Variants in ZNF732 observed in about 807,000 individuals in gnomAD.
ZNF732 encodes zinc finger protein LOC654254.
A neutral mutation model predicts 11.5 loss-of-function variants in ZNF732; 12 were observed. The observed-to-expected ratio is 1.05, with a 90% CI of 0.67 to 1.70. ZNF732 has a LOEUF of 1.70. ZNF732 is among the 40% of genes most tolerant of loss of function. The pLI is 0.00. For synonymous variants in ZNF732, 231 were observed against 236.5 expected, an observed-to-expected ratio of 0.98 and a Z score of 0.21; for missense variants, 702 against 676.9, an observed-to-expected ratio of 1.04 and a Z score of -0.41.
chr4:281,946 A>G (rs1303499446), intron 3 of ZNF732, among the ~76,000 whole-genome samples: 1 of 152,216 alleles, frequency 6.6e-6, no homozygotes, highest in Non-Finnish European at 1.5e-5. Context: ...ACATATTACT[A>G]AATTTTTTGC....
At chr4:280,904 C>A (rs1719606724) in intron 3 of ZNF732, among the ~76,000 whole-genome samples, 1 of 152,124 alleles carries the variant, frequency 6.6e-6, no homozygotes, top group African/African-American at 2.4e-5. Context: ...GAATTAGCCC[C>A]AAATCCACTC....
intron 3 of ZNF732, among the ~76,000 whole-genome samples, chr4:284,827 C>A (rs1230227841): frequency 1.5e-5 from 2 of 132,620 alleles, no homozygotes; most frequent in East Asian, 4.8e-4. Context: ...GCCAAGATCA[C>A]ACCACTGCAC....
chr4:282,156 T>A (rs527990151), intron 3 of ZNF732, among the ~76,000 whole-genome samples: 2 of 152,266 alleles, frequency 1.3e-5, no homozygotes, highest in East Asian at 1.9e-4. Context: ...AGACTTTTTT[T>A]AAAAAAGTGA....
At chr4:304,623 G>A (rs888268285) in intron 1 of ZNF732, among the ~76,000 whole-genome samples, 9 of 151,954 alleles carry the variant, frequency 5.9e-5, no homozygotes, top group African/African-American at 1.7e-4. Context: ...ATTTCTGAAC[G>A]CCTGCCTACA....
intron 3 of ZNF732, among the ~76,000 whole-genome samples, chr4:293,236 G>C (rs1719878274): frequency 7.5e-6 from 1 of 132,852 alleles, no homozygotes; most frequent in African/African-American, 3.2e-5. Context: ...AAAATATGGT[G>C]TGTGTGTGTA....
chr4:294,398 G>C (rs1553841858), intron 3 of ZNF732, among the ~76,000 whole-genome samples: 2 of 152,176 alleles, frequency 1.3e-5, no homozygotes, highest in African/African-American at 4.8e-5. Flanking sequence ...ACTTATTTAG[G>C]TGTGTGTGAG....
chr4:292,882 T>TAA (rs1719867146), intron 3 of ZNF732, among the ~76,000 whole-genome samples: 1 of 27,286 alleles, frequency 3.7e-5, no homozygotes, highest in Non-Finnish European at 6.6e-5. Flanking sequence ...CTGTCTCTAC[T>TAA]AAAAACACAA....
Position 296,168 on chromosome 4 carries a change from A to G in ZNF732, c.4-13T>C, listed in dbSNP as rs1719948575. The G allele has an allele frequency of 1.3e-5, 21 of 1,608,534 alleles. 1 individual carries two copies. The highest frequency in any genetic ancestry group is 3.3e-4 in the Middle Eastern group (2 of 6,040). On this transcript the variant is annotated splice_polypyrimidine_tract_variant and intron_variant, in intron 1 of 3. Coordinates refer to ENST00000419098, the MANE Select transcript of ZNF732 (RefSeq NM_001137608.3). Reference sequence around the variant, plus strand: ...ATGTTAAGAGTTCCTGAAAATATATATGTATCAAGTGACAGAGTTCTTAAT... The same window carrying G: ...ATGTTAAGAGTTCCTGAAAATATATGTGTATCAAGTGACAGAGTTCTTAAT...
chr4:293,661 T>C (rs1435838493), intron 3 of ZNF732, among the ~76,000 whole-genome samples: 1 of 152,180 alleles, frequency 6.6e-6, no homozygotes, highest in East Asian at 1.9e-4. Context: ...CTATAATGTA[T>C]GCTTACAATT....
chr4:284,655 G>C (rs572608323), intron 3 of ZNF732, among the ~76,000 whole-genome samples: 1 of 151,726 alleles, frequency 6.6e-6, no homozygotes, highest in Non-Finnish European at 1.5e-5. Flanking sequence ...GGTGGATCAC[G>C]AGATCAGGCA....
Position 271,545 on chromosome 4 carries a change from T to C in ZNF732, c.1312A>G (p.Ile438Val), listed in dbSNP as rs1553837437. 4 of 1,611,962 alleles carry C rather than the reference T, an allele frequency of 2.5e-6. No homozygotes were observed. In the East Asian group the frequency reaches 8.9e-5, roughly 36 times the overall value. Residue 438 changes from isoleucine (I) to valine (V), a missense_variant, in exon 4 of 4, where the codon ATA becomes GTA. This residue lies in a region of ZNF732 where 596 missense variants were observed against 557.9 expected (regional missense o/e 1.07). Coordinates refer to ENST00000419098, the MANE Select transcript of ZNF732 (RefSeq NM_001137608.3). ...GWSTDLNKHKIIHTGEKPYKC... is the reference protein window; with the variant it reads ...GWSTDLNKHKVIHTGEKPYKC... Reference sequence around the variant, plus strand: ...TAAGGTTTCTCTCCAGTATGAATTATCTTATGTTTATTCAGGTCTGTGGAC... The same window carrying C: ...TAAGGTTTCTCTCCAGTATGAATTACCTTATGTTTATTCAGGTCTGTGGAC...
chr4:273,641 T>C (rs911659749), intron 3 of ZNF732, among the ~76,000 whole-genome samples: 2 of 151,652 alleles, frequency 1.3e-5, no homozygotes, highest in South Asian at 4.1e-4. Flanking sequence ...AAAAAGGATA[T>C]AAAAACGGAA....
At chr4:304,426 G>C (rs1720183334) in intron 1 of ZNF732, among the ~76,000 whole-genome samples, 1 of 152,140 alleles carries the variant, frequency 6.6e-6, no homozygotes, top group African/African-American at 2.4e-5. Context: ...GCTCAGCCAT[G>C]TCTTTCTTCT....
chr4:275,775 T>A (rs532110457), intron 3 of ZNF732, among the ~76,000 whole-genome samples: 1 of 151,714 alleles, frequency 6.6e-6, no homozygotes, highest in African/African-American at 2.4e-5. Flanking sequence ...ACAATAAAGA[T>A]AAATCTTGAT....
chr4:284,028 A>G (rs1397050741), intron 3 of ZNF732, among the ~76,000 whole-genome samples: 2 of 152,098 alleles, frequency 1.3e-5, no homozygotes, highest in Non-Finnish European at 2.9e-5. Flanking sequence ...CTCCTGCCTC[A>G]GCCTCCTGAG....
intron 3 of ZNF732, among the ~76,000 whole-genome samples, chr4:293,157 A>G (rs550773513): frequency 6.8e-6 from 1 of 147,102 alleles, no homozygotes; most frequent in Non-Finnish European, 1.5e-5. Flanking sequence ...ACACTACCAA[A>G]GGAAATTAAG....
chr4:283,168 C>T (rs963525495), intron 3 of ZNF732, among the ~76,000 whole-genome samples: 3 of 151,908 alleles, frequency 2.0e-5, no homozygotes, highest in African/African-American at 7.3e-5. Context: ...AAAGTGAGCT[C>T]GTGTTGTGAT....
chr4:296,520 T>C (rs1719956157), intron 1 of ZNF732, among the ~76,000 whole-genome samples: 1 of 152,126 alleles, frequency 6.6e-6, no homozygotes, highest in African/African-American at 2.4e-5. Context: ...ATCAGAAATG[T>C]TTCCACCCAG....
chr4:300,544 G>A (rs1045142558), intron 1 of ZNF732, among the ~76,000 whole-genome samples: 1 of 151,328 alleles, frequency 6.6e-6, no homozygotes, highest in East Asian at 1.9e-4. Context: ...ATAGTTCAAA[G>A]AGGGGAACAG....
Sources: gnomAD v4.1 joint callset for allele counts (sites outside exome capture counted in the v4.1 genomes callset) on GRCh38, gnomAD v4.1.1 for gene constraint, gnomAD v4.1.1 regional missense constraint, MANE v1.5 for transcripts, NCBI Gene and HGNC (gene_info 2026-07-23, HGNC 2026-07-21) for gene names.